PROSER2: variants seen among roughly 807,000 people sequenced by gnomAD.
PROSER2 encodes proline and serine rich 2.
PROSER2 carries 18 observed loss-of-function variants against 14.6 expected under a neutral mutation model. That is an observed-to-expected ratio of 1.23 (90% CI 0.85 to 1.83). The LOEUF is 1.83. Ranked by LOEUF, PROSER2 falls within the 40% of genes most tolerant of loss-of-function variation. PROSER2 has a pLI of 0.00. For missense variants in PROSER2, 823 were observed against 629.8 expected (o/e 1.31, Z -3.28); for synonymous variants, 367 against 286.4 (o/e 1.28, Z -2.84).
Position 11,856,473 on chromosome 10 carries a change from G to A in PROSER2, c.138+4258G>A, listed in dbSNP as rs1570696. On this transcript the variant is annotated intron_variant, in intron 2 of 3. Coordinates refer to ENST00000277570, the MANE Select transcript of PROSER2 (RefSeq NM_153256.4). The surrounding 1 kb of genome is among the most constrained non-coding windows in gnomAD (Gnocchi z 5.3). ...GGAAAGGGCGGAGAGCTCTGCACTC[G>A]CATGGTTCTCAAGGAGTGGAGCTGG... 0.22 allele frequency among the ~76,000 whole-genome samples: 32,976 copies of A among 152,192 alleles called. 3,736 individuals are homozygous for A. Among genetic ancestry groups the A allele is most frequent in the Middle Eastern group, 0.31 (90 of 294 alleles).
Position 11,869,793 on chromosome 10 carries a change from G to T in PROSER2, c.695G>T (p.Gly232Val). 6.4e-7 allele frequency: 1 copy of T among 1,553,864 alleles called. No individual in the cohort carries two copies. Among genetic ancestry groups the T allele is most frequent in the Non-Finnish European group, 8.7e-7 (1 of 1,151,590 alleles). ...PGEWRTPAAR[G>V]PRSGDPGPGP... The stretch of plus-strand genomic sequence containing the variant: ...GAGTGGAGGACACCTGCCGCCCGGG[G>T]GCCCCGCAGTGGAGACCCTGGCCCG... Residue 232 changes from glycine (G) to valine (V), a missense_variant, in exon 4 of 4, where the codon GGG becomes GTG. Coordinates refer to ENST00000277570, the MANE Select transcript of PROSER2 (RefSeq NM_153256.4). The surrounding 1 kb of genome is among the most constrained non-coding windows in gnomAD (Gnocchi z 4.4).
Position 11,823,356 on chromosome 10 carries a change from G to A in PROSER2, c.-196G>A, listed in dbSNP as rs1833562828. The A allele has an allele frequency of 6.6e-6, 1 of 151,870 alleles. No homozygotes were observed. Among genetic ancestry groups the A allele is most frequent in the Non-Finnish European group, 1.5e-5 (1 of 68,180 alleles). 9.4% of individuals were successfully genotyped at this position (151,870 alleles called of 1,614,324 possible). On this transcript the variant is annotated 5_prime_UTR_variant, in exon 1 of 4. Coordinates refer to ENST00000277570, the MANE Select transcript of PROSER2 (RefSeq NM_153256.4). This position sits in a 1 kb window ranked among gnomAD's most constrained non-coding sequence, Gnocchi z 6.2. ...GCGCGCGCGGGTGGGCGCGCACAGG[G>A]AGAGCGCGCGGCGGGGCGTCCCGGA...
chr10:11,842,064 T>C (rs1473298222), intron 1 of PROSER2, among the ~76,000 whole-genome samples: 1 of 151,972 alleles, frequency 6.6e-6, no homozygotes, highest in African/African-American at 2.4e-5. Flanking sequence ...TCTACTAAAA[T>C]ACAAAAAATT....
At chr10:11,861,704 G>A (rs1044177193) in intron 2 of PROSER2, among the ~76,000 whole-genome samples, 1 of 152,200 alleles carries the variant, frequency 6.6e-6, no homozygotes, top group Non-Finnish European at 1.5e-5. Context: ...TGTAACAAAA[G>A]TGAGGCTCAT....
chr10:11,863,813 C>CT (rs1428729544), intron 2 of PROSER2, among the ~76,000 whole-genome samples: 1 of 151,012 alleles, frequency 6.6e-6, no homozygotes, highest in Admixed American at 6.6e-5. Context: ...GTGTATGTTG[C>CT]TGTGCACAGA....
intron 1 of PROSER2, among the ~76,000 whole-genome samples, chr10:11,842,748 T>A (rs1833862252): frequency 6.6e-6 from 1 of 152,068 alleles, no homozygotes; most frequent in Admixed American, 6.6e-5. Flanking sequence ...CTTTGGTCTT[T>A]TTTTCCACAG....
chr10:11,842,060 A>G (rs1833852278), intron 1 of PROSER2, among the ~76,000 whole-genome samples: 1 of 151,998 alleles, frequency 6.6e-6, no homozygotes, highest in Non-Finnish European at 1.5e-5. Context: ...CATCTCTACT[A>G]AAATACAAAA....
At chr10:11,857,742 C>CCAA (rs1375113781) in intron 2 of PROSER2, among the ~76,000 whole-genome samples, 1 of 8,366 alleles carries the variant, frequency 1.2e-4, no homozygotes, top group Non-Finnish European at 3.2e-4. Flanking sequence ...GAGACCCCAT[C>CCAA]TAAAAAAAAA....
intron 1 of PROSER2, among the ~76,000 whole-genome samples, chr10:11,825,068 C>T (rs1313361808): frequency 6.6e-6 from 1 of 152,214 alleles, no homozygotes; most frequent in Non-Finnish European, 1.5e-5. Flanking sequence ...AAGCCTTCAT[C>T]GGCAGCTGAA....
chr10:11,847,242 C>T (rs1430178512), intron 1 of PROSER2, among the ~76,000 whole-genome samples: 1 of 151,434 alleles, frequency 6.6e-6, no homozygotes, highest in Non-Finnish European at 1.5e-5. Flanking sequence ...CCTCATCTCT[C>T]TTTTCTGTTA....
Position 11,872,065 on chromosome 10 carries a change from G to C in PROSER2, c.*1659G>C, listed in dbSNP as rs573985004. Reference sequence around the variant, plus strand: ...TTGGTTTAAAGGATTTATAAGGGCTGTGTTTGCTCTTTACAAGGCAAGATG... The same window carrying C: ...TTGGTTTAAAGGATTTATAAGGGCTCTGTTTGCTCTTTACAAGGCAAGATG... On this transcript the variant is annotated 3_prime_UTR_variant, in exon 4 of 4. Transcript: ENST00000277570. 1 of 152,180 alleles carries C rather than the reference G, an allele frequency of 6.6e-6. No homozygotes were observed. Among genetic ancestry groups the C allele is most frequent in the East Asian group, 1.9e-4 (1 of 5,202 alleles). 9.4% of individuals were successfully genotyped at this position (152,180 alleles called of 1,614,324 possible).
At chr10:11,829,222 G>T (rs539182703) in intron 1 of PROSER2, among the ~76,000 whole-genome samples, 2 of 151,822 alleles carry the variant, frequency 1.3e-5, no homozygotes, top group South Asian at 2.1e-4. Flanking sequence ...AAGATGGTAT[G>T]AACAAGGGGA....
chr10:11,831,110 G>A (rs1174853035), intron 1 of PROSER2, among the ~76,000 whole-genome samples: 1 of 152,154 alleles, frequency 6.6e-6, no homozygotes, highest in Non-Finnish European at 1.5e-5. Context: ...ATCAGACCAC[G>A]GCTGCCAGTC....
chr10:11,853,369 C>T (rs952596880), intron 2 of PROSER2, among the ~76,000 whole-genome samples: 6 of 152,176 alleles, frequency 3.9e-5, no homozygotes, highest in African/African-American at 1.4e-4. Flanking sequence ...AGGTGGATAA[C>T]CTGAGGTCAG....
intron 1 of PROSER2, among the ~76,000 whole-genome samples, chr10:11,829,581 C>CA (rs372245548): frequency 0.042 from 6,011 of 142,354 alleles, 134 homozygotes; most frequent in Non-Finnish European, 0.049. Flanking sequence ...GACCCTGTCT[C>CA]AAAAAAAAAA....
In PROSER2 at chr10:11,870,426, C is replaced by T; in HGVS notation, c.*20C>T. 2.7e-6 allele frequency: 4 copies of T among 1,455,630 alleles called. No homozygotes were observed. In the South Asian group the frequency reaches 5.6e-5, roughly 21 times the overall value. The allele number at this position is 1,455,630 out of a possible 1,614,324, so 90.2% of individuals were successfully genotyped here. ...TCGTGAGGGCCGCGCGGGCTCCAGT[C>T]CACCCCGTTTCTCCCCACCCTGAAG... On this transcript the variant is annotated 3_prime_UTR_variant, in exon 4 of 4. Coordinates refer to ENST00000277570, the MANE Select transcript of PROSER2 (RefSeq NM_153256.4).
At chr10:11,832,666 G>T (rs544272699) in intron 1 of PROSER2, among the ~76,000 whole-genome samples, 5 of 152,250 alleles carry the variant, frequency 3.3e-5, no homozygotes, top group South Asian at 2.1e-4. Context: ...GTATAAATTG[G>T]ATGAGATTAA....
intron 2 of PROSER2, among the ~76,000 whole-genome samples, chr10:11,852,699 T>G (rs1834047367): frequency 6.7e-6 from 1 of 150,212 alleles, no homozygotes; most frequent in Non-Finnish European, 1.5e-5. Context: ...TTTTTTTTTT[T>G]TTTTTTTTTG....
intron 1 of PROSER2, among the ~76,000 whole-genome samples, chr10:11,833,947 A>T (rs909586691): frequency 2.4e-4 from 32 of 132,202 alleles, no homozygotes; most frequent in African/African-American, 8.7e-4. Flanking sequence ...GGCAGCAGGG[A>T]GGCAGTGGGA....
Sources: gnomAD v4.1 joint callset for allele counts (sites outside exome capture counted in the v4.1 genomes callset) on GRCh38, gnomAD v4.1.1 for gene constraint, Gnocchi (gnomAD v3.1) non-coding constraint, MANE v1.5 for transcripts, NCBI Gene and HGNC (gene_info 2026-07-23, HGNC 2026-07-21) for gene names.